Variants in TRIM66 observed in about 807,000 individuals in gnomAD.
The protein encoded by TRIM66 is tripartite motif-containing protein 66.
A neutral mutation model predicts 148.2 loss-of-function variants in TRIM66; 99 were observed. That is an observed-to-expected ratio of 0.67 (90% CI 0.57 to 0.79). The LOEUF (loss-of-function observed/expected upper bound fraction) is 0.79, where lower values mean the gene tolerates loss of function less well. Ranked by LOEUF, TRIM66 falls within the 30% of genes least tolerant of loss-of-function variation. TRIM66 has a pLI of 0.00. For missense variants in TRIM66, 1,666 were observed against 1,697.9 expected (o/e 0.98, Z 0.33); for synonymous variants, 616 against 635.9 (o/e 0.97, Z 0.47).
intron 6 of TRIM66, among the ~76,000 whole-genome samples, chr11:8,664,600 T>G (rs1056636216): frequency 1.3e-5 from 2 of 152,188 alleles, no homozygotes; most frequent in African/African-American, 2.4e-5. Flanking sequence ...TGCCAACCAG[T>G]AAGTGCTTGA....
intron 6 of TRIM66, among the ~76,000 whole-genome samples, chr11:8,670,013 A>ATTTTTTTTT (rs1319897173): frequency 9.5e-6 from 1 of 105,502 alleles, no homozygotes; most frequent in African/African-American, 3.5e-5. Context: ...TTTTGTTTTT[A>ATTTTTTTTT]TTTATTTTTT....
intron 14 of TRIM66, among the ~76,000 whole-genome samples, chr11:8,639,492 G>A (rs2036182458): frequency 6.6e-6 from 1 of 152,106 alleles, no homozygotes; most frequent in African/African-American, 2.4e-5. Flanking sequence ...AAAAAGAGGT[G>A]CACCATCCAA....
In TRIM66 at chr11:8,628,038, C is replaced by T. The variant is rs569195091; in HGVS notation, c.2311-2810G>A. ...GTAGAGACAAGGTCTTGCTATGTTGCCCAGGCTGGTCTTGAACTCCTAGGC... is the reference window on the plus strand; with the variant it reads ...GTAGAGACAAGGTCTTGCTATGTTGTCCAGGCTGGTCTTGAACTCCTAGGC... On this transcript the variant is annotated intron_variant, in intron 15 of 24. Coordinates refer to ENST00000646038, the MANE Select transcript of TRIM66 (RefSeq NM_001388022.1). Among the ~76,000 whole-genome samples, 15 of 152,256 alleles carry T rather than the reference C, an allele frequency of 9.9e-5. No individual in the cohort carries two copies. The South Asian group carries it at 2.1e-3, about 21-fold the overall frequency.
chr11:8,656,373 C>CGTAG (rs1437167542), intron 6 of TRIM66, among the ~76,000 whole-genome samples: 2 of 151,970 alleles, frequency 1.3e-5, no homozygotes, highest in Non-Finnish European at 2.9e-5. Context: ...AAATGACAGC[C>CGTAG]CTACTCTTGT....
At chr11:8,631,173 T>G (rs1253418591) in intron 15 of TRIM66, among the ~76,000 whole-genome samples, 2 of 152,194 alleles carry the variant, frequency 1.3e-5, no homozygotes, top group Non-Finnish European at 2.9e-5. Context: ...GGACCAGCCT[T>G]GAAAACAGGC....
chr11:8,662,350 CT>C (rs2133393445), intron 6 of TRIM66, among the ~76,000 whole-genome samples: 1 of 152,370 alleles, frequency 6.6e-6, no homozygotes, highest in Non-Finnish European at 1.5e-5. Flanking sequence ...ATTTCCCTCT[CT>C]GATTCTAAGG....
intron 1 of TRIM66, among the ~76,000 whole-genome samples, chr11:8,681,197 G>A (rs191458258): frequency 4.2e-4 from 64 of 151,166 alleles, no homozygotes; most frequent in African/African-American, 1.4e-3. Flanking sequence ...GCAGTGGCGC[G>A]ATCTCGGTTC....
At position 8,622,365 on chromosome 11, in the gene TRIM66, C is replaced by CACACACACACATATATATAT; in HGVS notation, c.3080+450_3080+451insATATATATATGTGTGTGTGT. Among the ~76,000 whole-genome samples the CACACACACACATATATATAT allele has an allele frequency of 1.2e-3, 73 of 59,582 alleles. 3 individuals carry two copies. Among genetic ancestry groups the CACACACACACATATATATAT allele is most frequent in the Middle Eastern group, 8.3e-3 (1 of 120 alleles). 39.1% of individuals were successfully genotyped at this position (59,582 alleles called of 152,430 possible). ...ACACACACACACACACACACACACACATATATATATATATATATCTCCTAC... is the reference window on the plus strand; with the variant it reads ...ACACACACACACACACACACACACACACACACACACATATATATATATATATATATATATATATCTCCTAC... On this transcript the variant is annotated intron_variant, in intron 18 of 24. Transcript: ENST00000646038.
At chr11:8,648,825 T>C (rs1009928363) in intron 8 of TRIM66, among the ~76,000 whole-genome samples, 1 of 152,244 alleles carries the variant, frequency 6.6e-6, no homozygotes, top group Non-Finnish European at 1.5e-5. Flanking sequence ...CTACTCCACA[T>C]AGATCTCCTG....
At chr11:8,656,584 C>T (rs896884700) in intron 6 of TRIM66, among the ~76,000 whole-genome samples, 2 of 152,232 alleles carry the variant, frequency 1.3e-5, no homozygotes, top group South Asian at 2.1e-4. Flanking sequence ...AGTGCAAACA[C>T]TTCTGGTCCT....
Position 8,638,791 on chromosome 11 carries a change from G to A in TRIM66, c.2173C>T (p.Gln725Ter), listed in dbSNP as rs1298071507. The change falls in exon 15 of 25, where the codon CAG (glutamine) becomes TAG (stop). Residue 725 changes from glutamine (Q) to a stop codon, truncating the protein, a stop_gained. Coordinates refer to ENST00000646038, the MANE Select transcript of TRIM66 (RefSeq NM_001388022.1). LOFTEE classifies it high-confidence loss of function. ...AGAGGGAGAGCCGGCTTTGAGCCCT[G>A]AGATGCTGGGGGCTCATCTGTAGCC... ...LQATDEPPAS[Q>*]GSKPALPLDK... is the part of the protein sequence containing the mutation. 9 of 1,551,330 alleles carry A rather than the reference G, an allele frequency of 5.8e-6. No individual in the cohort carries two copies. Among genetic ancestry groups the A allele is most frequent in the Non-Finnish European group, 7.8e-6 (9 of 1,146,924 alleles).
intron 6 of TRIM66, among the ~76,000 whole-genome samples, chr11:8,663,688 T>C (rs1443434741): frequency 6.6e-6 from 1 of 152,144 alleles, no homozygotes; most frequent in Non-Finnish European, 1.5e-5. Context: ...TGCACTCCCA[T>C]GTTCATTGCT....
At chr11:8,618,718 C>T in intron 24 of TRIM66, 32 bp downstream of exon 24, 1 of 1,541,822 alleles carries the variant, frequency 6.5e-7, no homozygotes, top group Non-Finnish European at 8.8e-7. Context: ...TGATCACCGC[C>T]CACCTGCTGC....
chr11:8,647,597 G>A (rs2036979925), intron 10 of TRIM66, among the ~76,000 whole-genome samples: 1 of 152,214 alleles, frequency 6.6e-6, no homozygotes, highest in Admixed American at 6.5e-5. Flanking sequence ...CACAGGGAAA[G>A]GGGTGATAAA....
At chr11:8,674,699 T>C (rs2039097886) in intron 4 of TRIM66, 107 bp downstream of exon 4, 1 of 152,012 alleles carries the variant, frequency 6.6e-6, no homozygotes, top group Non-Finnish European at 1.5e-5. Flanking sequence ...AAAAAAAAAA[T>C]CAACTACTTT....
chr11:8,627,987 T>C (rs948859118), intron 15 of TRIM66, among the ~76,000 whole-genome samples: 5 of 152,106 alleles, frequency 3.3e-5, no homozygotes, highest in African/African-American at 1.2e-4. Context: ...TAACATCACA[T>C]TGGCTAACTT....
intron 6 of TRIM66, among the ~76,000 whole-genome samples, chr11:8,656,905 A>T (rs1415293229): frequency 1.3e-5 from 2 of 152,164 alleles, no homozygotes; most frequent in East Asian, 3.8e-4. Flanking sequence ...TAGTGACCTG[A>T]TATCCCTGTA....
chr11:8,669,642 C>CAAAAAAA (rs112240789), intron 6 of TRIM66, among the ~76,000 whole-genome samples: 1 of 120,462 alleles, frequency 8.3e-6, no homozygotes, highest in Non-Finnish European at 1.8e-5. Context: ...GACCCTGTCT[C>CAAAAAAA]AAAAAAAAAA....
At chr11:8,624,338 G>A in intron 17 of TRIM66, 21 bp downstream of exon 17, 1 of 1,547,592 alleles carries the variant, frequency 6.5e-7, no homozygotes, top group Non-Finnish European at 8.7e-7. Context: ...CAACATGAAG[G>A]GCAGGCTGCT....
Sources: allele counts gnomAD v4.1 joint callset (sites outside exome capture counted in the v4.1 genomes callset), GRCh38; gene constraint gnomAD v4.1.1; transcripts MANE v1.5; gene names NCBI Gene and HGNC (gene_info 2026-07-23, HGNC 2026-07-21).